Variants in LDAH observed in about 807,000 individuals in gnomAD.
LDAH encodes the protein lipid droplet-associated hydrolase.
LDAH carries 26 observed loss-of-function variants against 29.6 expected under a neutral mutation model. The ratio of observed to expected loss-of-function variants is 0.88; its 90% CI spans 0.64 to 1.22. The LOEUF (loss-of-function observed/expected upper bound fraction) is 1.22, where lower values mean the gene tolerates loss of function less well. LDAH is among the 50% of genes most tolerant of loss of function. LDAH has a pLI of 0.00. For missense variants in LDAH, 344 were observed against 387.3 expected (o/e 0.89, Z 0.94); for synonymous variants, 117 against 133.0 (o/e 0.88, Z 0.83).
At chr2:20,689,851 C>G (rs75654354) in intron 6 of LDAH, among the ~76,000 whole-genome samples, 2 of 152,142 alleles carry the variant, frequency 1.3e-5, no homozygotes. Context: ...GATCACTGGA[C>G]CCTGAGAAAG....
At chr2:20,727,277 T>A (rs866956555) in intron 5 of LDAH, among the ~76,000 whole-genome samples, 2 of 152,304 alleles carry the variant, frequency 1.3e-5, no homozygotes, top group East Asian at 1.9e-4. Flanking sequence ...GCTGCTCAGA[T>A]AAATGAGAGA....
rs1030808532 is a variant in LDAH, at chr2:20,790,401, A to G, written c.155-3T>C. ...AAAGGCAGAAAAACCTGGGTTACCT[A>G]AGAAAAGAAACACAGACCTTAGATT... On this transcript the variant is annotated splice_polypyrimidine_tract_variant and splice_region_variant and intron_variant, in intron 2 of 6. Transcript: ENST00000237822. 3 of 1,612,114 alleles carry G rather than the reference A, an allele frequency of 1.9e-6. No homozygotes were observed. The highest frequency in any genetic ancestry group is 1.7e-5 in the Admixed American group (1 of 59,546).
chr2:20,734,494 CTT>C (rs1202090061), intron 5 of LDAH, among the ~76,000 whole-genome samples: 1 of 152,078 alleles, frequency 6.6e-6, no homozygotes, highest in African/African-American at 2.4e-5. Context: ...ATATACATGA[CTT>C]ATTACTATGT....
At chr2:20,801,019 A>G (rs970554984) in intron 2 of LDAH, among the ~76,000 whole-genome samples, 5 of 152,232 alleles carry the variant, frequency 3.3e-5, no homozygotes, top group Non-Finnish European at 5.9e-5. Flanking sequence ...AGTTTTAAAT[A>G]TTAAGAAATG....
rs150346419 is a variant in LDAH at position 20,702,671 on chromosome 2, A to G, written c.704-1019T>C. On this transcript the variant is annotated intron_variant, in intron 5 of 6. Coordinates refer to ENST00000237822, the MANE Select transcript of LDAH (RefSeq NM_021925.4). ...TTCCATTTTTATTTATCTAGTGGTT[A>G]GCCTTACCTAAAAACTGCAAACTTA... Among the ~76,000 whole-genome samples, 781 of 152,268 alleles carry G rather than the reference A, an allele frequency of 5.1e-3. 8 individuals are homozygous for G. The highest frequency in any genetic ancestry group is 0.017 in the African/African-American group (686 of 41,548).
chr2:20,714,211 C>T (rs1664986283), intron 5 of LDAH, among the ~76,000 whole-genome samples: 1 of 152,194 alleles, frequency 6.6e-6, no homozygotes, highest in Non-Finnish European at 1.5e-5. Flanking sequence ...CAAATTAGAA[C>T]TCAGGATTAA....
chr2:20,809,668 G>A (rs951004649), intron 1 of LDAH, among the ~76,000 whole-genome samples: 4 of 152,160 alleles, frequency 2.6e-5, no homozygotes, highest in Non-Finnish European at 5.9e-5. Context: ...AAATCAGTAA[G>A]AGACAACTCA....
At position 20,698,601 on chromosome 2, in the gene LDAH, AC is replaced by A. The variant is rs1663675815; in HGVS notation, c.786+2968del. On this transcript the variant is annotated intron_variant, in intron 6 of 6. Transcript: ENST00000237822. This position sits in a 1 kb window ranked among gnomAD's most constrained non-coding sequence, Gnocchi z 4.4. ...AGGCTGAGGCAAGAAAATCGCTTGA[AC>A]CCGGGAAGTGGAGGTTGCAGTGAGC... Among the ~76,000 whole-genome samples the A allele has an allele frequency of 6.6e-6, 1 of 151,842 alleles. No homozygotes were observed. The highest frequency in any genetic ancestry group is 2.4e-5 in the African/African-American group (1 of 41,308).
rs184180836 is a variant in LDAH, at chr2:20,765,729, G to A, written c.468+9081C>T. Among the ~76,000 whole-genome samples the A allele has an allele frequency of 7.2e-4, 110 of 152,258 alleles. 1 individual carries two copies. The highest frequency in any genetic ancestry group is 1.2e-3 in the Non-Finnish European group (81 of 68,020). On this transcript the variant is annotated intron_variant, in intron 4 of 6. Transcript: ENST00000237822. ...GCCTGGTGCCTCATGATCCTCCTAC[G>A]TAGCTAGCTTGGGCTTCTCTCAGCC...
chr2:20,789,568 T>C (rs1670801536), intron 3 of LDAH, among the ~76,000 whole-genome samples: 1 of 152,218 alleles, frequency 6.6e-6, no homozygotes, highest in Non-Finnish European at 1.5e-5. Flanking sequence ...TAGGTGTCTA[T>C]ATGATTAGCA....
chr2:20,789,090 T>C, intron 3 of LDAH: 2 of 1,540,470 alleles, frequency 1.3e-6, no homozygotes, highest in Non-Finnish European at 1.8e-6. Context: ...TTCTGTCTGT[T>C]GTACCTCTGC....
chr2:20,710,602 GTGTGTA>G (rs1170018645), intron 5 of LDAH, among the ~76,000 whole-genome samples: 196 of 128,192 alleles, frequency 1.5e-3, no homozygotes, highest in African/African-American at 5.1e-3. Context: ...GTGTGTGTGT[GTGTGTA>G]TATATATATA....
At chr2:20,794,216 A>G (rs978975361) in intron 2 of LDAH, among the ~76,000 whole-genome samples, 1 of 152,134 alleles carries the variant, frequency 6.6e-6, no homozygotes, top group Admixed American at 6.6e-5. Flanking sequence ...ATTTCATAAG[A>G]CTTATTCACT....
chr2:20,732,776 T>C (rs1486147742), intron 5 of LDAH, among the ~76,000 whole-genome samples: 1 of 152,214 alleles, frequency 6.6e-6, no homozygotes, highest in Non-Finnish European at 1.5e-5. Flanking sequence ...TTCAGCTGTT[T>C]TTTCTTTGTC....
chr2:20,719,301 G>C (rs1052855455), intron 5 of LDAH, among the ~76,000 whole-genome samples: 2 of 147,232 alleles, frequency 1.4e-5, no homozygotes, highest in African/African-American at 5.0e-5. Flanking sequence ...GACAAAAAAG[G>C]AAACATTACA....
intron 4 of LDAH, among the ~76,000 whole-genome samples, chr2:20,765,375 T>G (rs979363657): frequency 2.0e-5 from 3 of 152,210 alleles, no homozygotes; most frequent in Admixed American, 6.5e-5. Context: ...TGCAACCCCC[T>G]TGTCCCATTA....
At chr2:20,764,931 C>T (rs183345901) in intron 4 of LDAH, among the ~76,000 whole-genome samples, 2 of 152,158 alleles carry the variant, frequency 1.3e-5, no homozygotes, top group East Asian at 1.9e-4. Flanking sequence ...CATGTGAACA[C>T]GTTTTATAAA....
intron 1 of LDAH, among the ~76,000 whole-genome samples, chr2:20,803,097 G>A (rs1259422202): frequency 6.6e-6 from 1 of 152,142 alleles, no homozygotes; most frequent in Non-Finnish European, 1.5e-5. Context: ...CATAACTTGG[G>A]GAACTACTGA....
chr2:20,740,316 G>A (rs1667088548), intron 4 of LDAH, 111 bp from the exon 5 acceptor site: 1 of 736,740 alleles, frequency 1.4e-6, no homozygotes, highest in Non-Finnish European at 2.3e-6. Flanking sequence ...AATGACTAGA[G>A]ATCTCTTCAG....
Sources: allele counts gnomAD v4.1 joint callset (sites outside exome capture counted in the v4.1 genomes callset), GRCh38; gene constraint gnomAD v4.1.1; non-coding constraint Gnocchi (gnomAD v3.1); transcripts MANE v1.5; gene names NCBI Gene and HGNC (gene_info 2026-07-23, HGNC 2026-07-21).